VEPH1: variants seen among roughly 807,000 people sequenced by gnomAD.
The protein encoded by VEPH1 is ventricular zone expressed PH domain containing 1, also known as ventricular zone-expressed PH domain-containing protein homolog 1.
In VEPH1, 80 loss-of-function variants were observed where a neutral mutation model predicts 85.2. The observed-to-expected ratio is 0.94, with a 90% CI of 0.78 to 1.13. The LOEUF (loss-of-function observed/expected upper bound fraction) is 1.13. VEPH1 is among the 50% of genes most tolerant of loss of function. VEPH1 has a pLI of 0.00. For synonymous variants in VEPH1, 297 were observed against 348.0 expected, an observed-to-expected ratio of 0.85 and a Z score of 1.63; for missense variants, 955 against 980.5, an observed-to-expected ratio of 0.97 and a Z score of 0.35.
At chr3:157,424,006 C>A (rs1220687147) in intron 5 of VEPH1, among the ~76,000 whole-genome samples, 1 of 152,038 alleles carries the variant, frequency 6.6e-6, no homozygotes, top group Non-Finnish European at 1.5e-5. Context: ...TCACTGTGCA[C>A]ACATGTTGGT....
chr3:157,381,297 A>G lies in VEPH1; in HGVS notation c.986T>C (p.Leu329Pro), dbSNP rs1728737085. The G allele has an allele frequency of 3.1e-6, 5 of 1,614,062 alleles. No homozygotes were observed. The Admixed American group carries it at 6.7e-5, about 22-fold the overall frequency. Reference sequence around the variant, plus strand: ...GGTGTCGGTGATGCTTTTAATCTCCAGCAGGAGAATATGGTGAAACGAATG... The same window carrying G: ...GGTGTCGGTGATGCTTTTAATCTCCGGCAGGAGAATATGGTGAAACGAATG... ...MEHSFHHILL[L>P]EIKSITDTFS... Residue 329 changes from leucine (L) to proline (P), a missense_variant, in exon 7 of 14, where the codon CTG (leucine) becomes CCG (proline). Transcript: ENST00000362010.
chr3:157,435,493 C>T (rs185229828), intron 4 of VEPH1, among the ~76,000 whole-genome samples: 1 of 152,302 alleles, frequency 6.6e-6, no homozygotes, highest in African/African-American at 2.4e-5. Flanking sequence ...TGGGATTGTA[C>T]CTACTGAAAT....
intron 6 of VEPH1, among the ~76,000 whole-genome samples, chr3:157,406,179 C>T (rs981711171): frequency 2.4e-4 from 36 of 152,144 alleles, no homozygotes; most frequent in African/African-American, 8.4e-4. Context: ...CAGCCACTGG[C>T]ACCAACCAAG....
chr3:157,299,964 G>T (rs775986602), intron 11 of VEPH1, among the ~76,000 whole-genome samples: 1 of 152,118 alleles, frequency 6.6e-6, no homozygotes, highest in Non-Finnish European at 1.5e-5. Flanking sequence ...ACATCCCTGC[G>T]AAGTGTTTAC....
intron 2 of VEPH1, among the ~76,000 whole-genome samples, chr3:157,485,973 A>G (rs368344471): frequency 7.9e-5 from 12 of 152,200 alleles, no homozygotes; most frequent in East Asian, 7.7e-4. Context: ...AAGCTTGACA[A>G]AATTACAAGG....
At chr3:157,388,621 C>T (rs1424204401) in intron 6 of VEPH1, among the ~76,000 whole-genome samples, 3 of 152,014 alleles carry the variant, frequency 2.0e-5, no homozygotes, top group Admixed American at 1.3e-4. Context: ...TATATGCTTC[C>T]CTATACAGAT....
intron 4 of VEPH1, among the ~76,000 whole-genome samples, chr3:157,457,424 A>G (rs1735473983): frequency 6.6e-6 from 1 of 152,186 alleles, no homozygotes; most frequent in Non-Finnish European, 1.5e-5. Context: ...TATGTTGAAT[A>G]GGAGTGGTGA....
chr3:157,291,452 A>T (rs1475227276), intron 11 of VEPH1, among the ~76,000 whole-genome samples: 2 of 152,198 alleles, frequency 1.3e-5, no homozygotes, highest in African/African-American at 2.4e-5. Context: ...CAATTTTTTT[A>T]TGTTTTTCAA....
intron 4 of VEPH1, among the ~76,000 whole-genome samples, chr3:157,448,430 G>T (rs903757029): frequency 6.6e-6 from 1 of 152,140 alleles, no homozygotes; most frequent in Non-Finnish European, 1.5e-5. Context: ...CAGAAAAAGG[G>T]ACATTACTAC....
intron 5 of VEPH1, among the ~76,000 whole-genome samples, chr3:157,422,115 T>C (rs1022620732): frequency 1.3e-5 from 2 of 152,298 alleles, no homozygotes; most frequent in East Asian, 1.9e-4. Context: ...AAAGATTTCA[T>C]TGGTTGGAAT....
intron 6 of VEPH1, among the ~76,000 whole-genome samples, chr3:157,404,732 G>T (rs1731024670): frequency 6.6e-6 from 1 of 152,162 alleles, no homozygotes; most frequent in African/African-American, 2.4e-5. Flanking sequence ...TGTCTTAGCA[G>T]AATGGCTTGT....
chr3:157,461,228 A>G (rs1253598256), intron 3 of VEPH1, among the ~76,000 whole-genome samples: 1 of 152,230 alleles, frequency 6.6e-6, no homozygotes, highest in Non-Finnish European at 1.5e-5. Flanking sequence ...TTAGGGAATA[A>G]TATTTAGAAA....
intron 2 of VEPH1, among the ~76,000 whole-genome samples, chr3:157,486,094 C>T (rs555610260): frequency 5.3e-4 from 80 of 152,172 alleles, no homozygotes; most frequent in African/African-American, 1.8e-3. Context: ...TGAACAATAT[C>T]ATTAACAAGA....
At chr3:157,492,753 G>T (rs1024990515) in intron 2 of VEPH1, among the ~76,000 whole-genome samples, 1 of 152,046 alleles carries the variant, frequency 6.6e-6, no homozygotes, top group Non-Finnish European at 1.5e-5. Flanking sequence ...CTTTGTCAGG[G>T]TTCTTTGATC....
In VEPH1 at chr3:157,363,570, T is replaced by C; in HGVS notation, c.1529A>G (p.Tyr510Cys). 6.2e-7 allele frequency: 1 copy of C among 1,614,202 alleles called. No individual in the cohort carries two copies. The highest frequency in any genetic ancestry group is 8.5e-7 in the Non-Finnish European group (1 of 1,180,022). Reference sequence around the variant, plus strand: ...TGAGTCTATATGTATAATATTTGGGTATGAAACTGAAGACTCCCCCAGCTG... The same window carrying C: ...TGAGTCTATATGTATAATATTTGGGCATGAAACTGAAGACTCCCCCAGCTG... The part of the protein sequence containing the change: ...RSQLGESSVS[Y>C]PNIIHIDSEN... Residue 510 changes from tyrosine (Y) to cysteine (C), a missense_variant, in exon 9 of 14, where the codon TAC becomes TGC. Coordinates refer to ENST00000362010, the MANE Select transcript of VEPH1 (RefSeq NM_001167912.2).
At chr3:157,458,494 C>T (rs1417028006) in intron 4 of VEPH1, among the ~76,000 whole-genome samples, 3 of 152,214 alleles carry the variant, frequency 2.0e-5, no homozygotes, top group South Asian at 2.1e-4. Context: ...TGTTGAATTG[C>T]TTAAGTTCCT....
At chr3:157,363,154 C>T (rs1726232049) in intron 9 of VEPH1, 3 of 425,750 alleles carry the variant, frequency 7.0e-6, no homozygotes, top group Admixed American at 8.2e-5. Context: ...GACTTATGTG[C>T]ACCCAAGTAG....
At chr3:157,272,301 C>CT (rs1714697746) in intron 12 of VEPH1, among the ~76,000 whole-genome samples, 1 of 122,094 alleles carries the variant, frequency 8.2e-6, no homozygotes, top group African/African-American at 3.0e-5. Context: ...TCCTTCCCTT[C>CT]CTCTCTCTCT....
At chr3:157,292,117 T>C (rs1335749779) in intron 11 of VEPH1, among the ~76,000 whole-genome samples, 1 of 152,308 alleles carries the variant, frequency 6.6e-6, no homozygotes, top group East Asian at 1.9e-4. Context: ...GATCGTCTGT[T>C]CAGAGTTCTC....
Sources: gnomAD v4.1 joint callset for allele counts (sites outside exome capture counted in the v4.1 genomes callset) on GRCh38, gnomAD v4.1.1 for gene constraint, MANE v1.5 for transcripts, NCBI Gene and HGNC (gene_info 2026-07-23, HGNC 2026-07-21) for gene names.